Variants in PTPN13 observed in about 807,000 individuals in gnomAD.
PTPN13 encodes the protein tyrosine-protein phosphatase non-receptor type 13.
In PTPN13, 191 loss-of-function variants were observed where a neutral mutation model predicts 284.0. The ratio of observed to expected loss-of-function variants is 0.67; its 90% CI spans 0.60 to 0.76. PTPN13 has a LOEUF of 0.76. PTPN13 is among the 30% of genes least tolerant of loss of function. The probability of loss-of-function intolerance (pLI) is 0.00; values close to 1 mark genes in which losing one functional copy is unlikely to be tolerated. For synonymous variants in PTPN13, 986 were observed against 1,022.3 expected, an observed-to-expected ratio of 0.96 and a Z score of 0.68; for missense variants, 2,797 against 2,939.9, an observed-to-expected ratio of 0.95 and a Z score of 1.12.
At chr4:86,722,858 A>T (rs111723282) in intron 10 of PTPN13, among the ~76,000 whole-genome samples, 1 of 152,138 alleles carries the variant, frequency 6.6e-6, no homozygotes, top group African/African-American at 2.4e-5. Context: ...CTGCTCTGTG[A>T]TTCTCAGAAT....
chr4:86,803,666 T>C (rs748827845), intron 42 of PTPN13, 43 bp from the exon 43 acceptor site: 2 of 1,595,450 alleles, frequency 1.3e-6, no homozygotes, highest in Non-Finnish European at 8.6e-7. Context: ...TTAGTTAAAT[T>C]GGTTCTGGAG....
intron 47 of PTPN13, among the ~76,000 whole-genome samples, chr4:86,812,304 C>T (rs1375414804): frequency 2.7e-5 from 3 of 109,498 alleles, no homozygotes; most frequent in South Asian, 3.0e-4. Context: ...AGCGAGACTC[C>T]GTCTCAAAAA....
intron 2 of PTPN13, chr4:86,661,223 A>G (rs1283636391): frequency 1.5e-5 from 5 of 330,120 alleles, no homozygotes. Context: ...GGACATCATA[A>G]AAATAGAATC....
At chr4:86,756,608 A>G (rs1268120560) in intron 20 of PTPN13, among the ~76,000 whole-genome samples, 1 of 152,170 alleles carries the variant, frequency 6.6e-6, no homozygotes, top group Non-Finnish European at 1.5e-5. Context: ...GCATCAAAAC[A>G]GTATTGAGAT....
chr4:86,761,071 G>A (rs1014129676), intron 23 of PTPN13, among the ~76,000 whole-genome samples: 6 of 148,456 alleles, frequency 4.0e-5, no homozygotes, highest in Admixed American at 2.7e-4. Context: ...ATTTCCTAGG[G>A]AAACTTTTTG....
chr4:86,668,749 C>T (rs370908067), intron 2 of PTPN13, among the ~76,000 whole-genome samples: 12 of 150,374 alleles, frequency 8.0e-5, no homozygotes, highest in African/African-American at 2.0e-4. Context: ...GTACCCACCA[C>T]CACGCCCAGC....
intron 1 of PTPN13, among the ~76,000 whole-genome samples, chr4:86,613,496 T>C (rs1255082916): frequency 6.6e-6 from 1 of 151,822 alleles, no homozygotes; most frequent in East Asian, 1.9e-4. Flanking sequence ...TAGCCGGGCG[T>C]GGTGACGGGC....
chr4:86,733,658 T>C (rs898297563), intron 12 of PTPN13, among the ~76,000 whole-genome samples: 7 of 152,164 alleles, frequency 4.6e-5, no homozygotes, highest in Non-Finnish European at 8.8e-5. Flanking sequence ...TTTAGACTAA[T>C]CAGTCAATAT....
chr4:86,772,861 A>G lies in PTPN13; in HGVS notation c.5252A>G (p.Asp1751Gly), dbSNP rs1446431198. The G allele has an allele frequency of 9.3e-6, 15 of 1,613,002 alleles. No individual in the cohort carries two copies. Among genetic ancestry groups the G allele is most frequent in the South Asian group, 2.2e-5 (2 of 91,016 alleles). ...QSESASSSSM[D>G]KYHIHHISEP... ...GAATCTGCTTCCTCTAGTTCGATGG[A>G]TAAGTATCATATACATCACATTTCT... is the stretch of plus-strand genomic sequence containing the variant. The change falls in exon 32 of 48, where the codon GAT becomes GGT. Residue 1751 changes from aspartate to glycine, a missense_variant. Coordinates refer to ENST00000411767, the MANE Select transcript of PTPN13 (RefSeq NM_080683.3).
Position 86,774,362 on chromosome 4 carries a change from T to C in PTPN13, c.5350-11T>C, listed in dbSNP as rs1402923192. 6.3e-7 allele frequency: 1 copy of C among 1,598,554 alleles called. No homozygotes were observed. Among genetic ancestry groups the C allele is most frequent in the Admixed American group, 1.7e-5 (1 of 57,922 alleles). On this transcript the variant is annotated splice_polypyrimidine_tract_variant and intron_variant, in intron 32 of 47. Transcript: ENST00000411767. Reference sequence around the variant, plus strand: ...AGACAACCTAAAAGTATTACTGCTTTTTTCCCTTAGGAAGTAGAACTCCTC... The same window carrying C: ...AGACAACCTAAAAGTATTACTGCTTCTTTCCCTTAGGAAGTAGAACTCCTC...
chr4:86,797,747 A>G (rs1743514446), intron 41 of PTPN13, among the ~76,000 whole-genome samples: 2 of 151,958 alleles, frequency 1.3e-5, no homozygotes, highest in Admixed American at 6.5e-5. Flanking sequence ...TTTAATTTTT[A>G]ATGAGAAAAT....
chr4:86,810,982 A>G, intron 46 of PTPN13, 64 bp from the exon 47 acceptor site: 2 of 1,499,130 alleles, frequency 1.3e-6, no homozygotes, highest in Non-Finnish European at 1.8e-6. Flanking sequence ...CCCCTCTGTG[A>G]TCCTTTTGAG....
At position 86,770,142 on chromosome 4, in the gene PTPN13, C is replaced by A. The variant is rs779287269; in HGVS notation, c.4746C>A (p.Phe1582Leu). Residue 1582 changes from phenylalanine (F) to leucine (L), a missense_variant, in exon 30 of 48, where the codon TTC (phenylalanine) becomes TTA (leucine). Physicochemically the swap from Phe to Leu is conservative, Grantham distance 22. Transcript: ENST00000411767. ...TCAGGGGAACTGCTCCAGAAGTATT[C>A]TTGCTTCTCTGCAGACCTCCACCTG... ...SALRGTAPEV[F>L]LLLCRPPPGV... 7 of 1,613,686 alleles carry A rather than the reference C, an allele frequency of 4.3e-6. No individual in the cohort carries two copies. The Admixed American group carries it at 1.2e-4, about 27-fold the overall frequency.
In PTPN13 at chr4:86,741,222, TG is replaced by T. The variant is rs1736134414; in HGVS notation, c.2305-411del. Among the ~76,000 whole-genome samples, 3 of 152,326 alleles carry T rather than the reference TG, an allele frequency of 2.0e-5. No individual in the cohort carries two copies. In the South Asian group the frequency reaches 6.2e-4, roughly 32 times the overall value. The stretch of plus-strand genomic sequence containing the variant: ...GCCCACTCTACTGGTACCAATCTAC[TG>T]TATTAGTCCATTTTCACACTGCTGA... On this transcript the variant is annotated intron_variant, in intron 15 of 47. Coordinates refer to ENST00000411767, the MANE Select transcript of PTPN13 (RefSeq NM_080683.3).
At chr4:86,771,825 CAG>C (rs1267248257) in intron 31 of PTPN13, among the ~76,000 whole-genome samples, 2 of 152,030 alleles carry the variant, frequency 1.3e-5, no homozygotes, top group Non-Finnish European at 2.9e-5. Context: ...TAAACAGAAA[CAG>C]AATAGACTTA....
chr4:86,609,235 G>C (rs1216160413), intron 1 of PTPN13, among the ~76,000 whole-genome samples: 1 of 152,112 alleles, frequency 6.6e-6, no homozygotes, highest in African/African-American at 2.4e-5. Flanking sequence ...AGATGATCAT[G>C]TAATTCTTTT....
intron 2 of PTPN13, among the ~76,000 whole-genome samples, chr4:86,664,750 G>C (rs1726872509): frequency 6.6e-6 from 1 of 152,024 alleles, no homozygotes; most frequent in African/African-American, 2.4e-5. Context: ...AAATCAAAGA[G>C]GAAGAACATA....
chr4:86,688,597 C>G (rs1729678856), intron 4 of PTPN13, among the ~76,000 whole-genome samples: 2 of 151,954 alleles, frequency 1.3e-5, no homozygotes, highest in African/African-American at 4.8e-5. Context: ...ATGGGAGTAT[C>G]TAATTATATT....
chr4:86,689,731 C>G (rs1352053642), intron 5 of PTPN13: 2 of 702,228 alleles, frequency 2.8e-6, no homozygotes, highest in Non-Finnish European at 5.2e-6. Flanking sequence ...CTGGACTCTT[C>G]TAGTTTTTCT....
Sources: allele counts gnomAD v4.1 joint callset (sites outside exome capture counted in the v4.1 genomes callset), GRCh38; gene constraint gnomAD v4.1.1; transcripts MANE v1.5; gene names NCBI Gene and HGNC (gene_info 2026-07-23, HGNC 2026-07-21).